The following DAAM1 variants were observed in gnomAD, a reference collection of about 807,000 sequenced individuals.
DAAM1 encodes dishevelled associated activator of morphogenesis 1.
A neutral mutation model predicts 130.0 loss-of-function variants in DAAM1; 52 were observed. The observed-to-expected ratio is 0.40, with a 90% CI of 0.32 to 0.50. The LOEUF is 0.50. Ranked by LOEUF, DAAM1 falls within the 20% of genes least tolerant of loss-of-function variation. DAAM1 has a pLI of 0.61. For synonymous variants in DAAM1, 452 were observed against 444.5 expected, an observed-to-expected ratio of 1.02 and a Z score of -0.21; for missense variants, 1,134 against 1,303.8, an observed-to-expected ratio of 0.87 and a Z score of 2.01.
At chr14:59,244,449 G>T (rs1276921878) in intron 1 of DAAM1, among the ~76,000 whole-genome samples, 1 of 152,180 alleles carries the variant, frequency 6.6e-6, no homozygotes, top group Non-Finnish European at 1.5e-5. Flanking sequence ...GAGATGGCTT[G>T]AGAAGCCGGG....
chr14:59,331,076 C>T (rs749090878), intron 13 of DAAM1, 133 bp from the exon 14 acceptor site: 42 of 1,441,764 alleles, frequency 2.9e-5, no homozygotes, highest in Non-Finnish European at 3.8e-5. Context: ...TTCGACTTTA[C>T]CGATCCTTTA....
chr14:59,283,888 G>T (rs1216890031), intron 2 of DAAM1, among the ~76,000 whole-genome samples: 1 of 152,132 alleles, frequency 6.6e-6, no homozygotes, highest in Admixed American at 6.6e-5. Flanking sequence ...AATTAATTTT[G>T]CAGGCAATGT....
chr14:59,290,758 C>T (rs1446985793), intron 2 of DAAM1, among the ~76,000 whole-genome samples: 2 of 152,220 alleles, frequency 1.3e-5, no homozygotes, highest in Non-Finnish European at 2.9e-5. Context: ...TCACCACACT[C>T]GGCCTTTGTC....
intron 1 of DAAM1, among the ~76,000 whole-genome samples, chr14:59,218,736 G>T (rs560651114): frequency 6.6e-6 from 1 of 152,124 alleles, no homozygotes; most frequent in African/African-American, 2.4e-5. Context: ...GTTTATTTTG[G>T]CTTTAATGTC....
intron 3 of DAAM1, chr14:59,299,644 AAGTT>A (rs1262741220): frequency 6.6e-6 from 1 of 152,156 alleles, no homozygotes; most frequent in African/African-American, 2.4e-5. Context: ...CAGAAATACT[AAGTT>A]AGGAGGTTCT....
intron 3 of DAAM1, among the ~76,000 whole-genome samples, chr14:59,303,729 A>G (rs1366764908): frequency 6.6e-6 from 1 of 152,026 alleles, no homozygotes; most frequent in East Asian, 1.9e-4. Context: ...GCGAAACCCC[A>G]TCTCTACTAA....
chr14:59,327,208 A>G (rs1422377872), intron 12 of DAAM1, among the ~76,000 whole-genome samples: 1 of 152,020 alleles, frequency 6.6e-6, no homozygotes, highest in Non-Finnish European at 1.5e-5. Context: ...TATTATAATC[A>G]TGTAAATGTT....
intron 4 of DAAM1, among the ~76,000 whole-genome samples, chr14:59,315,928 T>C (rs1884775309): frequency 6.6e-6 from 1 of 152,230 alleles, no homozygotes; most frequent in Non-Finnish European, 1.5e-5. Flanking sequence ...GATTGTTGGT[T>C]CAGTAATTGC....
At chr14:59,292,071 C>A (rs1052854491) in intron 3 of DAAM1, among the ~76,000 whole-genome samples, 1 of 152,092 alleles carries the variant, frequency 6.6e-6, no homozygotes, top group Admixed American at 6.5e-5. Flanking sequence ...AACTTTTAAA[C>A]CCTGTAGCAG....
intron 16 of DAAM1, among the ~76,000 whole-genome samples, chr14:59,345,683 G>A (rs1474376563): frequency 6.6e-6 from 1 of 152,140 alleles, no homozygotes; most frequent in African/African-American, 2.4e-5. Flanking sequence ...GCTTTCAGTT[G>A]TTCAGCCCTC....
At position 59,363,813 on chromosome 14, in the gene DAAM1, T is replaced by A. The variant is rs746984815; in HGVS notation, c.2826+31T>A. 3 of 1,611,060 alleles carry A rather than the reference T, an allele frequency of 1.9e-6. No homozygotes were observed. The African/African-American group carries it at 4.0e-5, about 21-fold the overall frequency. Reference sequence around the variant, plus strand: ...TTTCCCCCTTGTGCACTGAGTGTTGTTTGACCGGGCTGGGCTTCAGTGTGA... The same window carrying A: ...TTTCCCCCTTGTGCACTGAGTGTTGATTGACCGGGCTGGGCTTCAGTGTGA... On this transcript the variant is annotated intron_variant, in intron 23 of 24. Coordinates refer to ENST00000360909, the MANE Select transcript of DAAM1 (RefSeq NM_001270520.2).
chr14:59,207,258 G>A (rs1343701931), intron 1 of DAAM1, among the ~76,000 whole-genome samples: 2 of 152,172 alleles, frequency 1.3e-5, no homozygotes, highest in Non-Finnish European at 2.9e-5. Flanking sequence ...CTATAGGCAT[G>A]TAAGGCAATT....
At chr14:59,226,294 G>A (rs1466580975) in intron 1 of DAAM1, among the ~76,000 whole-genome samples, 1 of 152,100 alleles carries the variant, frequency 6.6e-6, no homozygotes, top group Non-Finnish European at 1.5e-5. Flanking sequence ...CACCAAAGGG[G>A]ATATTTCTTT....
At chr14:59,270,298 G>C (rs777541509) in intron 2 of DAAM1, among the ~76,000 whole-genome samples, 5 of 152,182 alleles carry the variant, frequency 3.3e-5, no homozygotes, top group Non-Finnish European at 5.9e-5. Context: ...TCTGGTGAGG[G>C]CCTCAGCCTG....
At chr14:59,366,851 T>C (rs562974553) in intron 23 of DAAM1, among the ~76,000 whole-genome samples, 59 of 152,146 alleles carry the variant, frequency 3.9e-4, no homozygotes, top group African/African-American at 1.4e-3. Context: ...TTGGCTGTAT[T>C]TTGCTGTGAT....
rs1055220592 is a variant in DAAM1 at position 59,367,611 on chromosome 14, A to T, written c.2997+12A>T. The T allele has an allele frequency of 1.2e-6, 2 of 1,609,496 alleles. No individual in the cohort carries two copies. The highest frequency in any genetic ancestry group is 1.3e-5 in the African/African-American group (1 of 74,640). ...GCATGGAAGCTCAGGTGAGAGGATG[A>T]TTAATTGACCAATTCCACCTCCTAG... On this transcript the variant is annotated intron_variant, in intron 24 of 24. Coordinates refer to ENST00000360909, the MANE Select transcript of DAAM1 (RefSeq NM_001270520.2).
intron 4 of DAAM1, among the ~76,000 whole-genome samples, chr14:59,318,355 T>G (rs2033948345): frequency 6.6e-6 from 1 of 151,768 alleles, no homozygotes; most frequent in African/African-American, 2.4e-5. Context: ...CGTGTTCCAA[T>G]GTACACCTTA....
chr14:59,243,530 T>G (rs1161421471), intron 1 of DAAM1, among the ~76,000 whole-genome samples: 2 of 152,190 alleles, frequency 1.3e-5, no homozygotes, highest in Non-Finnish European at 2.9e-5. Context: ...CAGCCTATAA[T>G]TTGAGGTGAC....
intron 23 of DAAM1, among the ~76,000 whole-genome samples, chr14:59,366,351 T>TCTCACTGAGAC (rs1456767580): frequency 6.6e-6 from 1 of 152,226 alleles, no homozygotes; most frequent in Non-Finnish European, 1.5e-5. Context: ...GTTGCTGTTT[T>TCTCACTGAGAC]CTCACTGAGA....
Sources: gnomAD v4.1 joint callset for allele counts (sites outside exome capture counted in the v4.1 genomes callset) on GRCh38, gnomAD v4.1.1 for gene constraint, MANE v1.5 for transcripts, NCBI Gene and HGNC (gene_info 2026-07-23, HGNC 2026-07-21) for gene names.